The following GHR variants were observed in gnomAD, a reference collection of about 807,000 sequenced individuals.
GHR encodes GH receptor.
A neutral mutation model predicts 67.1 loss-of-function variants in GHR; 35 were observed. The observed-to-expected ratio is 0.52, with a 90% CI of 0.40 to 0.69. GHR has a LOEUF of 0.69. Among genes scored for constraint, GHR ranks in the 30% least tolerant of loss-of-function variants. The pLI is 0.00. For missense variants in GHR, 792 were observed against 764.6 expected, an observed-to-expected ratio of 1.04 and a Z score of -0.42; for synonymous variants, 272 against 269.1, an observed-to-expected ratio of 1.01 and a Z score of -0.10.
chr5:42,424,561 G>A lies in GHR; in HGVS notation c.-12+606G>A. On this transcript the variant is annotated intron_variant, in intron 1 of 9. Coordinates refer to ENST00000230882, the MANE Select transcript of GHR (RefSeq NM_000163.5). This position sits in a 1 kb window ranked among gnomAD's most constrained non-coding sequence, Gnocchi z 4.1. ...GCACGTTGGCACCGATGGAACTGGG[G>A]TCAGTAGAGTGACAGCCACCAGTCC... 6.5e-7 allele frequency: 1 copy of A among 1,533,618 alleles called. No individual in the cohort carries two copies. The highest frequency in any genetic ancestry group is 8.7e-7 in the Non-Finnish European group (1 of 1,145,146).
At chr5:42,527,545 C>A (rs1410605633) in intron 1 of GHR, among the ~76,000 whole-genome samples, 2 of 152,178 alleles carry the variant, frequency 1.3e-5, no homozygotes, top group East Asian at 3.8e-4. Context: ...AACACAAGAG[C>A]ACTGTATTCA....
chr5:42,550,111 C>A, intron 1 of GHR: 1 of 970,432 alleles, frequency 1.0e-6, no homozygotes, highest in Non-Finnish European at 1.2e-6. Context: ...CACGTATGAG[C>A]CTGGGGTAAG....
rs112265129 is a variant in GHR, at chr5:42,665,131, C to T, written c.137-23759C>T. On this transcript the variant is annotated intron_variant, in intron 3 of 9. Transcript: ENST00000230882. Reference sequence around the variant, plus strand: ...TGGATAGGATGTGGAGAAATAGGAACACTTTTACACTGTTGGTGGGACTGT... The same window carrying T: ...TGGATAGGATGTGGAGAAATAGGAATACTTTTACACTGTTGGTGGGACTGT... 5.3e-3 allele frequency among the ~76,000 whole-genome samples: 812 copies of T among 152,252 alleles called. 8 individuals are homozygous for T. The highest frequency in any genetic ancestry group is 0.022 in the South Asian group (108 of 4,822).
chr5:42,497,815 T>A (rs960001631), intron 1 of GHR, among the ~76,000 whole-genome samples: 1 of 152,146 alleles, frequency 6.6e-6, no homozygotes, highest in Non-Finnish European at 1.5e-5. Context: ...ATGGAAAACA[T>A]TGGAAAAGAG....
At chr5:42,430,557 G>A (rs1055135368) in intron 1 of GHR, among the ~76,000 whole-genome samples, 2 of 151,796 alleles carry the variant, frequency 1.3e-5, no homozygotes, top group African/African-American at 4.8e-5. Flanking sequence ...ATCAAGACAA[G>A]GGGATAATCA....
At chr5:42,547,264 G>T (rs1429025882) in intron 1 of GHR, among the ~76,000 whole-genome samples, 2 of 152,134 alleles carry the variant, frequency 1.3e-5, no homozygotes, top group Non-Finnish European at 2.9e-5. Context: ...CCAGCTAAAG[G>T]CCCAGCTAAT....
intron 1 of GHR, among the ~76,000 whole-genome samples, chr5:42,436,066 G>A (rs1743310851): frequency 6.6e-6 from 1 of 152,170 alleles, no homozygotes; most frequent in South Asian, 2.1e-4. Context: ...CTGAACATTG[G>A]TATAAAACAG....
chr5:42,623,316 G>C, intron 2 of GHR, among the ~76,000 whole-genome samples: 1 of 152,170 alleles, frequency 6.6e-6, no homozygotes, highest in South Asian at 2.1e-4. Context: ...TCTAGTCTTG[G>C]TAAGTACACT....
intron 1 of GHR, among the ~76,000 whole-genome samples, chr5:42,540,004 T>G (rs1026439285): frequency 7.2e-5 from 11 of 152,226 alleles, no homozygotes; most frequent in African/African-American, 2.7e-4. Context: ...TCTAGTTTAT[T>G]AAGACAGTTT....
chr5:42,474,350 G>GAAAGAAAGAAAGAAAAGAAAT (rs1579770383), intron 1 of GHR, among the ~76,000 whole-genome samples: 2 of 143,662 alleles, frequency 1.4e-5, no homozygotes, highest in East Asian at 4.3e-4. Flanking sequence ...AAGAAATAAA[G>GAAAGAAAGAAAGAAAAGAAAT]AAAGAAAGCA....
chr5:42,427,717 G>C (rs961743846), intron 1 of GHR, among the ~76,000 whole-genome samples: 1 of 152,098 alleles, frequency 6.6e-6, no homozygotes, highest in East Asian at 1.9e-4. Context: ...TTCCACCTAT[G>C]AGCCTGTAAA....
At chr5:42,535,517 G>A (rs186319636) in intron 1 of GHR, among the ~76,000 whole-genome samples, 54 of 152,160 alleles carry the variant, frequency 3.5e-4, no homozygotes, top group Non-Finnish European at 6.0e-4. Context: ...TGGTCTATGT[G>A]CCTATTTTCA....
At chr5:42,432,732 T>G (rs1743148234) in intron 1 of GHR, among the ~76,000 whole-genome samples, 2 of 152,202 alleles carry the variant, frequency 1.3e-5, no homozygotes, top group Admixed American at 1.3e-4. Flanking sequence ...AGGCATCATT[T>G]TTATACCTAG....
At chr5:42,585,053 C>A (rs1290674929) in intron 2 of GHR, among the ~76,000 whole-genome samples, 1 of 152,190 alleles carries the variant, frequency 6.6e-6, no homozygotes, top group Non-Finnish European at 1.5e-5. Flanking sequence ...CTCAATTGAG[C>A]AGGCTTGTCC....
At chr5:42,559,320 C>T (rs1749475528) in intron 1 of GHR, among the ~76,000 whole-genome samples, 5 of 152,058 alleles carry the variant, frequency 3.3e-5, no homozygotes, top group Admixed American at 2.0e-4. Context: ...ACGGAAGGAT[C>T]AGGTGAGGCC....
chr5:42,483,063 A>G (rs1425433265), intron 1 of GHR, among the ~76,000 whole-genome samples: 1 of 152,106 alleles, frequency 6.6e-6, no homozygotes, highest in Non-Finnish European at 1.5e-5. Flanking sequence ...GCTGGCATTC[A>G]CACTTACTCT....
intron 3 of GHR, among the ~76,000 whole-genome samples, chr5:42,686,083 T>TTTAAGACTTATGA (rs1316652403): frequency 1.3e-5 from 2 of 152,204 alleles, no homozygotes; most frequent in African/African-American, 4.8e-5. Context: ...GGGTCTTACG[T>TTTAAGACTTATGA]TTAAGTCTTT....
chr5:42,538,217 C>T (rs540735877), intron 1 of GHR, among the ~76,000 whole-genome samples: 1 of 152,014 alleles, frequency 6.6e-6, no homozygotes, highest in African/African-American at 2.4e-5. Context: ...TGCCTGTGTA[C>T]CTTGGTTTTT....
intron 1 of GHR, among the ~76,000 whole-genome samples, chr5:42,504,234 T>C (rs1326757507): frequency 6.6e-6 from 1 of 152,198 alleles, no homozygotes; most frequent in Non-Finnish European, 1.5e-5. Flanking sequence ...TATGACCACA[T>C]TCTGACTGAC....
Sources: allele counts gnomAD v4.1 joint callset (sites outside exome capture counted in the v4.1 genomes callset), GRCh38; gene constraint gnomAD v4.1.1; non-coding constraint Gnocchi (gnomAD v3.1); transcripts MANE v1.5; gene names NCBI Gene and HGNC (gene_info 2026-07-23, HGNC 2026-07-21).